The following MACROD2 variants were observed in gnomAD, a reference collection of about 807,000 sequenced individuals.
The protein encoded by MACROD2 is mono-ADP ribosylhydrolase 2, also known as ADP-ribose glycohydrolase MACROD2.
In MACROD2, 36 loss-of-function variants were observed where a neutral mutation model predicts 70.4. The ratio of observed to expected loss-of-function variants is 0.51; its 90% CI spans 0.39 to 0.68. MACROD2 has a LOEUF of 0.68. Ranked by LOEUF, MACROD2 falls within the 30% of genes least tolerant of loss-of-function variation. The pLI is 0.00. For missense variants in MACROD2, 496 were observed against 538.4 expected (o/e 0.92, Z 0.78); for synonymous variants, 172 against 178.8 (o/e 0.96, Z 0.30).
chr20:15,703,601 A>G (rs1439348109), intron 8 of MACROD2, among the ~76,000 whole-genome samples: 3 of 152,268 alleles, frequency 2.0e-5, no homozygotes, highest in East Asian at 3.8e-4. Flanking sequence ...TCTTAACACA[A>G]TAATAGATTT....
At chr20:15,208,540 A>G (rs895643065) in intron 5 of MACROD2, among the ~76,000 whole-genome samples, 2 of 152,090 alleles carry the variant, frequency 1.3e-5, no homozygotes, top group African/African-American at 2.4e-5. Flanking sequence ...GACTTAGCAG[A>G]CTTTCTCTGA....
chr20:14,079,848 C>T (rs2148665652), intron 2 of MACROD2, among the ~76,000 whole-genome samples: 1 of 152,264 alleles, frequency 6.6e-6, no homozygotes, highest in Middle Eastern at 3.4e-3. Context: ...CAGGGGTTCC[C>T]AATCCCTAGG....
intron 4 of MACROD2, among the ~76,000 whole-genome samples, chr20:14,647,435 GAT>G (rs1985453573): frequency 6.6e-6 from 1 of 152,056 alleles, no homozygotes; most frequent in South Asian, 2.1e-4. Context: ...TGATAAAAGA[GAT>G]AACATTTTGT....
At chr20:14,100,593 A>G (rs1309758271) in intron 3 of MACROD2, among the ~76,000 whole-genome samples, 1 of 145,330 alleles carries the variant, frequency 6.9e-6, no homozygotes, top group Non-Finnish European at 1.5e-5. Flanking sequence ...GGGATTTTAG[A>G]GACTTTAAAT....
chr20:14,420,877 G>C (rs188902751), intron 3 of MACROD2, among the ~76,000 whole-genome samples: 1 of 152,088 alleles, frequency 6.6e-6, no homozygotes, highest in African/African-American at 2.4e-5. Flanking sequence ...TTTTTGTGTA[G>C]AGGTGAGGTT....
intron 2 of MACROD2, among the ~76,000 whole-genome samples, chr20:14,072,107 T>C (rs1300080888): frequency 6.6e-6 from 1 of 152,216 alleles, no homozygotes; most frequent in Non-Finnish European, 1.5e-5. Flanking sequence ...TAGTACTTGG[T>C]GTGTTGTATG....
intron 13 of MACROD2, among the ~76,000 whole-genome samples, chr20:15,977,640 G>A (rs1169263371): frequency 6.6e-6 from 1 of 152,136 alleles, no homozygotes; most frequent in East Asian, 1.9e-4. Context: ...TGGGTGCTGG[G>A]CAGGAAAATA....
intron 3 of MACROD2, among the ~76,000 whole-genome samples, chr20:14,171,465 G>C (rs1257703520): frequency 6.6e-6 from 1 of 152,128 alleles, no homozygotes; most frequent in African/African-American, 2.4e-5. Context: ...CAGACTTTTA[G>C]ATGTGGGCTT....
At chr20:15,485,310 C>A (rs897762831) in intron 7 of MACROD2, among the ~76,000 whole-genome samples, 3 of 152,050 alleles carry the variant, frequency 2.0e-5, no homozygotes, top group Non-Finnish European at 4.4e-5. Context: ...TCAATCTACA[C>A]AAAAGCTCCA....
chr20:14,489,452 T>A (rs2123096245), intron 3 of MACROD2, among the ~76,000 whole-genome samples: 1 of 152,366 alleles, frequency 6.6e-6, no homozygotes, highest in East Asian at 1.9e-4. Context: ...CTCTAGGGAA[T>A]ATAATGTATG....
intron 3 of MACROD2, among the ~76,000 whole-genome samples, chr20:14,402,677 A>G (rs2083649879): frequency 6.6e-6 from 1 of 152,180 alleles, no homozygotes; most frequent in African/African-American, 2.4e-5. Context: ...AAAAATGAAC[A>G]CTTGATGCCC....
chr20:15,645,060 C>T (rs557332044), intron 8 of MACROD2, among the ~76,000 whole-genome samples: 3 of 152,316 alleles, frequency 2.0e-5, no homozygotes, highest in East Asian at 1.9e-4. Context: ...CCAATTCAAA[C>T]ACCACCTTGC....
At chr20:14,863,288 C>T (rs1188244083) in intron 5 of MACROD2, among the ~76,000 whole-genome samples, 2 of 152,092 alleles carry the variant, frequency 1.3e-5, no homozygotes, top group Non-Finnish European at 2.9e-5. Context: ...TCTATGGGCA[C>T]ATTTCACATT....
intron 5 of MACROD2, among the ~76,000 whole-genome samples, chr20:14,852,784 T>A (rs1395919136): frequency 6.6e-6 from 1 of 152,188 alleles, no homozygotes; most frequent in Non-Finnish European, 1.5e-5. Context: ...TTAACATTCA[T>A]AATGCCTTAG....
At chr20:14,167,606 T>C (rs897516396) in intron 3 of MACROD2, among the ~76,000 whole-genome samples, 4 of 152,006 alleles carry the variant, frequency 2.6e-5, no homozygotes, top group Non-Finnish European at 5.9e-5. Context: ...GCCAGCCTGG[T>C]TGCGAACTCC....
intron 6 of MACROD2, among the ~76,000 whole-genome samples, chr20:15,409,985 C>T (rs779267077): frequency 1.3e-5 from 2 of 152,322 alleles, no homozygotes; most frequent in East Asian, 3.9e-4. Context: ...TGGCTGCCAA[C>T]ATTGGGCCTA....
At position 14,342,203 on chromosome 20, in the gene MACROD2, C is replaced by A. The variant is rs73092423; in HGVS notation, c.272-151276C>A. Reference sequence around the variant, plus strand: ...ACAGAACTGAGAATGGAGGACAGGGCATGATCCAAAGGAAAATGGGGTACT... The same window carrying A: ...ACAGAACTGAGAATGGAGGACAGGGAATGATCCAAAGGAAAATGGGGTACT... On this transcript the variant is annotated intron_variant, in intron 3 of 17. Transcript: ENST00000684519. Among the ~76,000 whole-genome samples, 1,303 of 152,248 alleles carry A rather than the reference C, an allele frequency of 8.6e-3. 13 individuals carry two copies. The highest frequency in any genetic ancestry group is 0.013 in the Non-Finnish European group (876 of 68,020).
intron 4 of MACROD2, among the ~76,000 whole-genome samples, chr20:14,619,075 G>T (rs1983648607): frequency 6.6e-6 from 1 of 151,770 alleles, no homozygotes; most frequent in South Asian, 2.1e-4. Flanking sequence ...AAAATCCAAG[G>T]GATTGGAAAA....
chr20:15,013,816 T>C (rs1376275547), intron 5 of MACROD2, among the ~76,000 whole-genome samples: 1 of 152,162 alleles, frequency 6.6e-6, no homozygotes, highest in Non-Finnish European at 1.5e-5. Flanking sequence ...CCAAGATAAA[T>C]TGCTTGTATT....
Sources: gnomAD v4.1 joint callset for allele counts (sites outside exome capture counted in the v4.1 genomes callset) on GRCh38, gnomAD v4.1.1 for gene constraint, MANE v1.5 for transcripts, NCBI Gene and HGNC (gene_info 2026-07-23, HGNC 2026-07-21) for gene names.